Variants in ALPK3 observed in about 807,000 individuals in gnomAD.
ALPK3 encodes alpha-protein kinase 3.
In ALPK3, 102 loss-of-function variants were observed where a neutral mutation model predicts 140.0. That is an observed-to-expected ratio of 0.73 (90% CI 0.62 to 0.86). ALPK3 has a LOEUF of 0.86. Among genes scored for constraint, ALPK3 ranks in the 40% least tolerant of loss-of-function variants. The probability of loss-of-function intolerance (pLI) is 0.00; values close to 1 mark genes in which losing one functional copy is unlikely to be tolerated. For missense variants in ALPK3, 2,254 were observed against 2,208.2 expected (o/e 1.02, Z -0.42); for synonymous variants, 938 against 898.5 (o/e 1.04, Z -0.79).
chr15:84,826,771 C>G (rs2141548361), intron 2 of ALPK3, among the ~76,000 whole-genome samples: 1 of 152,226 alleles, frequency 6.6e-6, no homozygotes, highest in East Asian at 1.9e-4. Flanking sequence ...AGCAGCCAAC[C>G]ATGTTTCACT....
intron 2 of ALPK3, among the ~76,000 whole-genome samples, chr15:84,825,991 C>T (rs1017880050): frequency 1.7e-4 from 26 of 152,084 alleles, no homozygotes; most frequent in Non-Finnish European, 3.5e-4. Flanking sequence ...AGACCCAGCT[C>T]AAATGTTCAG....
rs1964026184 is a variant in ALPK3 at position 84,868,340 on chromosome 15, C to CTCAG, written c.5002_5003insTCAG (p.Arg1668LeufsTer70). 3 of 1,614,120 alleles carry CTCAG rather than the reference C, an allele frequency of 1.9e-6. No individual in the cohort carries two copies. The highest frequency in any genetic ancestry group is 1.7e-6 in the Non-Finnish European group (2 of 1,180,020). ...AGGCCTCCCTAGTCCTCAGGGCACCCGGAAGAGTGCTCCAAGTTCCAAGGC... is the reference window on the plus strand; with the variant it reads ...AGGCCTCCCTAGTCCTCAGGGCACCCTCAGGGAAGAGTGCTCCAAGTTCCAAGGC... On this transcript the variant is annotated frameshift_variant, in exon 14 of 14. Coordinates refer to ENST00000258888, the MANE Select transcript of ALPK3 (RefSeq NM_020778.5). LOFTEE classifies it high-confidence loss of function.
intron 3 of ALPK3, among the ~76,000 whole-genome samples, chr15:84,829,574 G>C (rs1963523483): frequency 6.6e-6 from 1 of 152,148 alleles, no homozygotes; most frequent in Non-Finnish European, 1.5e-5. Context: ...GGTAGGAAGC[G>C]GTGTTGCTCC....
At chr15:84,844,030 A>G (rs2141559476) in intron 5 of ALPK3, among the ~76,000 whole-genome samples, 1 of 152,316 alleles carries the variant, frequency 6.6e-6, no homozygotes, top group Non-Finnish European at 1.5e-5. Flanking sequence ...GGAGTTCAAG[A>G]CCAGCGTGGC....
At chr15:84,860,277 A>G (rs1358813965) in intron 9 of ALPK3, among the ~76,000 whole-genome samples, 1 of 152,206 alleles carries the variant, frequency 6.6e-6, no homozygotes, top group Admixed American at 6.5e-5. Flanking sequence ...GCCACTGCAC[A>G]GGAGTTAGTT....
intron 13 of ALPK3, among the ~76,000 whole-genome samples, chr15:84,867,767 A>G (rs1964017452): frequency 6.6e-6 from 1 of 152,154 alleles, no homozygotes. Context: ...TCAGGGTGTA[A>G]TGAGACCACA....
At chr15:84,831,590 A>G (rs903513216) in intron 3 of ALPK3, among the ~76,000 whole-genome samples, 5 of 152,216 alleles carry the variant, frequency 3.3e-5, no homozygotes, top group Non-Finnish European at 7.3e-5. Context: ...CTTATTAATG[A>G]TAGTTTTCTA....
chr15:84,820,101 A>C (rs1178075680), intron 1 of ALPK3, among the ~76,000 whole-genome samples: 1 of 152,092 alleles, frequency 6.6e-6, no homozygotes, highest in Non-Finnish European at 1.5e-5. Context: ...TAGGCTAGAG[A>C]AGTTAAGGGG....
chr15:84,838,638 T>TTATTATTATTATTA lies in ALPK3; in HGVS notation c.305-341_305-340insATTATTATTATTAT, dbSNP rs145586317. 0.017 allele frequency among the ~76,000 whole-genome samples: 2,312 copies of TTATTATTATTATTA among 139,464 alleles called. 39 individuals carry two copies. The highest frequency in any genetic ancestry group is 0.033 in the East Asian group (155 of 4,736). 91.5% of individuals were successfully genotyped at this position (139,464 alleles called of 152,430 possible). On this transcript the variant is annotated intron_variant, in intron 3 of 13. Coordinates refer to ENST00000258888, the MANE Select transcript of ALPK3 (RefSeq NM_020778.5). Reference sequence around the variant, plus strand: ...ATTATTATTATTATTATTATTATTATTGAGATGGAGTCTCACTATCGCCTA... The same window carrying TTATTATTATTATTA: ...ATTATTATTATTATTATTATTATTATTATTATTATTATTATGAGATGGAGTCTCACTATCGCCTA...
chr15:84,828,452 T>C (rs181924785), intron 3 of ALPK3, among the ~76,000 whole-genome samples: 59 of 152,194 alleles, frequency 3.9e-4, no homozygotes, highest in African/African-American at 1.3e-3. Flanking sequence ...CACAAATGGG[T>C]ACCCACCCCT....
chr15:84,864,484 C>T lies in ALPK3; in HGVS notation c.4542C>T (p.Ile1514=). Residue 1514 remains isoleucine, a synonymous_variant, in exon 12 of 14, where the codon ATC becomes ATT. Coordinates refer to ENST00000258888, the MANE Select transcript of ALPK3 (RefSeq NM_020778.5). ...TGATCTACCGGCCTGCAAACAATAT[C>T]CCATATGCTACCCTGGAGGAAGACC... is the stretch of plus-strand genomic sequence containing the variant. ...LYLIYRPANN[I]PYATLEEDLG... 3.7e-6 allele frequency: 6 copies of T among 1,614,184 alleles called. No homozygotes were observed. Among genetic ancestry groups the T allele is most frequent in the Non-Finnish European group, 5.1e-6 (6 of 1,180,040 alleles).
rs759101150 is a variant in ALPK3, at chr15:84,863,577, G to A, written c.4436G>A (p.Arg1479Gln). ...IQGCKIQNMS[R>Q]EYCKIFAAEA... The stretch of plus-strand genomic sequence containing the variant: ...GGGTGCAAGATCCAGAACATGAGTC[G>A]GGAGTACTGCAAAATCTTCGCAGCA... The change falls in exon 11 of 14, where the codon CGG becomes CAG. Residue 1479 changes from arginine to glutamine, a missense_variant. Coordinates refer to ENST00000258888, the MANE Select transcript of ALPK3 (RefSeq NM_020778.5). 20 of 1,613,896 alleles carry A rather than the reference G, an allele frequency of 1.2e-5. No individual in the cohort carries two copies. The highest frequency in any genetic ancestry group is 8.9e-5 in the East Asian group (4 of 44,888).
intron 5 of ALPK3, among the ~76,000 whole-genome samples, chr15:84,847,937 C>T (rs1963751614): frequency 6.6e-6 from 1 of 151,954 alleles, no homozygotes; most frequent in African/African-American, 2.4e-5. Flanking sequence ...TGGGGGGCAC[C>T]TGTAATCCCA....
intron 5 of ALPK3, among the ~76,000 whole-genome samples, chr15:84,850,577 A>G (rs1963790831): frequency 6.6e-6 from 1 of 151,624 alleles, no homozygotes; most frequent in African/African-American, 2.4e-5. Context: ...TTGTAGAGAC[A>G]GGGTCTTGCT....
At position 84,817,401 on chromosome 15, in the gene ALPK3, G is replaced by A; in HGVS notation, c.-52G>A. Reference sequence around the variant, plus strand: ...GGGGCCCGGGGGCCGGGGCCTGGAGGACAGGCGAGGCAGCGGCGAGTGCGG... The same window carrying A: ...GGGGCCCGGGGGCCGGGGCCTGGAGAACAGGCGAGGCAGCGGCGAGTGCGG... On this transcript the variant is annotated 5_prime_UTR_variant, in exon 1 of 14. Coordinates refer to ENST00000258888, the MANE Select transcript of ALPK3 (RefSeq NM_020778.5). The A allele has an allele frequency of 8.1e-7, 1 of 1,230,100 alleles. No homozygotes were observed. The highest frequency in any genetic ancestry group is 1.0e-6 in the Non-Finnish European group (1 of 989,162). 76.2% of individuals were successfully genotyped at this position (1,230,100 alleles called of 1,614,324 possible). A position where few individuals can be genotyped will look rare whatever the true frequency, so the allele number is the denominator to read the frequency against.
rs538658298 is a variant in ALPK3, at chr15:84,864,496, C to T, written c.4554C>T (p.Thr1518=). Residue 1518 remains threonine, a synonymous_variant, in exon 12 of 14, where the codon ACC becomes ACT. Coordinates refer to ENST00000258888, the MANE Select transcript of ALPK3 (RefSeq NM_020778.5). ...CTGCAAACAATATCCCATATGCTAC[C>T]CTGGAGGAAGACCTGGGCAAGCCCC... ...YRPANNIPYA[T]LEEDLGKPLE... is the part of the protein sequence containing the mutation. 1.2e-6 allele frequency: 2 copies of T among 1,614,134 alleles called. No homozygotes were observed. The highest frequency in any genetic ancestry group is 1.3e-5 in the African/African-American group (1 of 75,028).
chr15:84,826,437 G>C (rs1320746896), intron 2 of ALPK3, among the ~76,000 whole-genome samples: 2 of 152,010 alleles, frequency 1.3e-5, no homozygotes, highest in Non-Finnish European at 2.9e-5. Flanking sequence ...AGTCCTCTCT[G>C]CCGCTCACAA....
rs530850680 is a variant in ALPK3, at chr15:84,863,852, G to C, written c.4499+212G>C. Among the ~76,000 whole-genome samples, 37 of 152,324 alleles carry C rather than the reference G, an allele frequency of 2.4e-4. 1 individual carries two copies. In the South Asian group the frequency reaches 7.7e-3, roughly 32 times the overall value. On this transcript the variant is annotated intron_variant, in intron 11 of 13. Coordinates refer to ENST00000258888, the MANE Select transcript of ALPK3 (RefSeq NM_020778.5). ...TGAGAAAAGCCTCTGCTCTGGACTT[G>C]AGTCCCGCCCACCCCGGTTCCTCAT...
At chr15:84,825,823 T>C (rs1963479857) in intron 2 of ALPK3, among the ~76,000 whole-genome samples, 1 of 152,248 alleles carries the variant, frequency 6.6e-6, no homozygotes, top group African/African-American at 2.4e-5. Flanking sequence ...CGTTTTCAGA[T>C]ATTAACACTT....
Sources: allele counts gnomAD v4.1 joint callset (sites outside exome capture counted in the v4.1 genomes callset), GRCh38; gene constraint gnomAD v4.1.1; transcripts MANE v1.5; gene names NCBI Gene and HGNC (gene_info 2026-07-23, HGNC 2026-07-21).